Variants in DOCK8 observed in about 807,000 individuals in gnomAD.
DOCK8 encodes dedicator of cytokinesis 8, also known as dedicator of cytokinesis protein 8.
A neutral mutation model predicts 245.6 loss-of-function variants in DOCK8; 141 were observed. The observed-to-expected ratio is 0.57, with a 90% CI of 0.50 to 0.66. The LOEUF (loss-of-function observed/expected upper bound fraction) is 0.66, where lower values mean the gene tolerates loss of function less well. DOCK8 is among the 30% of genes least tolerant of loss of function. The pLI is 0.00. For missense variants in DOCK8, 2,965 were observed against 2,603.4 expected, an observed-to-expected ratio of 1.14 and a Z score of -3.02; for synonymous variants, 1,168 against 970.2, an observed-to-expected ratio of 1.20 and a Z score of -3.79.
chr9:455,671 A>C (rs985703733), intron 46 of DOCK8, among the ~76,000 whole-genome samples: 4 of 151,544 alleles, frequency 2.6e-5, no homozygotes, highest in Non-Finnish European at 4.4e-5. Context: ...TCCCTTTCAC[A>C]TTTCTCCCTA....
At chr9:386,593 A>G (rs966175445) in intron 23 of DOCK8, among the ~76,000 whole-genome samples, 167 bp downstream of exon 23, 1 of 152,160 alleles carries the variant, frequency 6.6e-6, no homozygotes, top group African/African-American at 2.4e-5. Flanking sequence ...TTTACGCCAC[A>G]TTTGACCACC....
intron 22 of DOCK8, among the ~76,000 whole-genome samples, 172 bp from the exon 23 acceptor site, chr9:386,159 A>G (rs1237624920): frequency 2.6e-5 from 4 of 152,206 alleles, no homozygotes; most frequent in Non-Finnish European, 4.4e-5. Flanking sequence ...AAAATTAGGT[A>G]TAACTTCACT....
chr9:264,278 C>CT (rs1400641405), intron 1 of DOCK8, among the ~76,000 whole-genome samples: 3 of 152,212 alleles, frequency 2.0e-5, no homozygotes, highest in Non-Finnish European at 4.4e-5. Flanking sequence ...CTTCTCTAGT[C>CT]TTGCTGCTGG....
Position 371,569 on chromosome 9 carries a change from G to A in DOCK8, c.2007+3G>A. 1.2e-6 allele frequency: 2 copies of A among 1,614,176 alleles called. No homozygotes were observed. The highest frequency in any genetic ancestry group is 1.7e-6 in the Non-Finnish European group (2 of 1,180,016). ...TGGAAACTCTCCTGGGATATTCAGT[G>A]AGTTGTTTCCAGCCTGCTGACTCAC... On this transcript the variant is annotated splice_donor_region_variant and intron_variant, in intron 17 of 47. Coordinates refer to ENST00000432829, the MANE Select transcript of DOCK8 (RefSeq NM_203447.4).
chr9:246,975 T>C (rs568955509), intron 1 of DOCK8, among the ~76,000 whole-genome samples: 1 of 152,214 alleles, frequency 6.6e-6, no homozygotes, highest in South Asian at 2.1e-4. Flanking sequence ...TAAAGGGTGA[T>C]ACCACAGAAA....
chr9:374,459 T>TG (rs1227565702), intron 18 of DOCK8, among the ~76,000 whole-genome samples: 4 of 140,662 alleles, frequency 2.8e-5, no homozygotes, highest in Admixed American at 2.1e-4. Context: ...TTGTGTTTTT[T>TG]TTTTTTTTTT....
intron 5 of DOCK8, among the ~76,000 whole-genome samples, chr9:310,224 G>A (rs111530421): frequency 3.3e-5 from 5 of 150,920 alleles, no homozygotes; most frequent in South Asian, 2.1e-4. Context: ...CTGAGATTGC[G>A]CCATTGCACT....
At chr9:369,194 A>G (rs2053169796) in intron 15 of DOCK8, 1 of 152,220 alleles carries the variant, frequency 6.6e-6, no homozygotes, top group African/African-American at 2.4e-5. Flanking sequence ...CCTTTCTCCT[A>G]ACGTCCCACC....
rs76435713 is a variant in DOCK8, at chr9:390,019, C to CA, written c.2875-439dup. On this transcript the variant is annotated intron_variant, in intron 23 of 47. Coordinates refer to ENST00000432829, the MANE Select transcript of DOCK8 (RefSeq NM_203447.4). Reference sequence around the variant, plus strand: ...TGGGCGACAGAGTGCAGCCCTATCTCAAAAAAAAAAAAAGTTTGAGAACTG... The same window carrying CA: ...TGGGCGACAGAGTGCAGCCCTATCTCAAAAAAAAAAAAAAGTTTGAGAACTG... Among the ~76,000 whole-genome samples, 576 of 137,914 alleles carry CA rather than the reference C, an allele frequency of 4.2e-3. 5 individuals carry two copies. Among genetic ancestry groups the CA allele is most frequent in the African/African-American group, 0.013 (492 of 37,386 alleles). The allele number at this position is 137,914 out of a possible 152,430, so 90.5% of individuals were successfully genotyped here.
At chr9:376,344 A>G (rs767063182) in intron 19 of DOCK8, 39 bp downstream of exon 19, 4 of 1,391,452 alleles carry the variant, frequency 2.9e-6, no homozygotes, top group Non-Finnish European at 4.1e-6. Flanking sequence ...GTAAAGGTGC[A>G]GCGGAGGAGC....
chr9:334,730 C>G (rs190497146), intron 11 of DOCK8, among the ~76,000 whole-genome samples: 1 of 151,972 alleles, frequency 6.6e-6, no homozygotes, highest in Admixed American at 6.6e-5. Flanking sequence ...GCAGAGACAC[C>G]ATGGTCGACT....
chr9:404,827 C>G (rs542210737), intron 26 of DOCK8, 91 bp from the exon 27 acceptor site: 1 of 1,404,968 alleles, frequency 7.1e-7, no homozygotes, highest in East Asian at 2.3e-5. Context: ...TTGCCTTAAC[C>G]TGGAGAGAAA....
intron 24 of DOCK8, among the ~76,000 whole-genome samples, chr9:392,660 AT>A (rs201977922): frequency 6.6e-6 from 1 of 151,546 alleles, no homozygotes; most frequent in Non-Finnish European, 1.5e-5. Context: ...CAACACCAGA[AT>A]TTTTTTTTCA....
At chr9:443,117 G>A (rs1016711805) in intron 42 of DOCK8, among the ~76,000 whole-genome samples, 5 of 152,196 alleles carry the variant, frequency 3.3e-5, no homozygotes, top group African/African-American at 9.6e-5. Flanking sequence ...TGACTTCCAA[G>A]TTCCCAGGGT....
At chr9:303,937 T>A (rs1279535128) in intron 4 of DOCK8, among the ~76,000 whole-genome samples, 1 of 152,250 alleles carries the variant, frequency 6.6e-6, no homozygotes, top group Non-Finnish European at 1.5e-5. Context: ...TGTTGGTTTC[T>A]CTAGTCATCA....
intron 23 of DOCK8, among the ~76,000 whole-genome samples, chr9:387,641 C>T (rs1456602929): frequency 6.6e-6 from 1 of 152,036 alleles, no homozygotes; most frequent in East Asian, 1.9e-4. Flanking sequence ...GTGCACTTTG[C>T]AGTATTCCAG....
At chr9:229,036 G>C (rs992651680) in intron 1 of DOCK8, among the ~76,000 whole-genome samples, 1 of 152,148 alleles carries the variant, frequency 6.6e-6, no homozygotes, top group Non-Finnish European at 1.5e-5. Flanking sequence ...AAGCTGCAAG[G>C]CTTCTTGAGG....
At chr9:284,015 A>G (rs1483505729) in intron 2 of DOCK8, among the ~76,000 whole-genome samples, 1 of 152,214 alleles carries the variant, frequency 6.6e-6, no homozygotes, top group Non-Finnish European at 1.5e-5. Context: ...TTCTTTGCAC[A>G]TAGTAATGCT....
chr9:268,688 G>T (rs1314947884), intron 1 of DOCK8, among the ~76,000 whole-genome samples: 1 of 152,162 alleles, frequency 6.6e-6, no homozygotes, highest in Non-Finnish European at 1.5e-5. Flanking sequence ...CACAGCAGTC[G>T]CAGGAGAAGT....
Sources: allele counts gnomAD v4.1 joint callset (sites outside exome capture counted in the v4.1 genomes callset), GRCh38; gene constraint gnomAD v4.1.1; transcripts MANE v1.5; gene names NCBI Gene and HGNC (gene_info 2026-07-23, HGNC 2026-07-21).